The following TRPM3 variants were observed in gnomAD, a reference collection of about 807,000 sequenced individuals.
TRPM3 encodes the protein long transient receptor potential channel 3.
A neutral mutation model predicts 181.2 loss-of-function variants in TRPM3; 77 were observed. The observed-to-expected ratio is 0.42, with a 90% CI of 0.35 to 0.51. TRPM3 has a LOEUF of 0.51. Among genes scored for constraint, TRPM3 ranks in the 20% least tolerant of loss-of-function variants. The pLI is 0.01. For missense variants in TRPM3, 1,759 were observed against 2,196.7 expected (o/e 0.80, Z 3.98); for synonymous variants, 745 against 796.4 (o/e 0.94, Z 1.09).
chr9:70,931,358 G>A (rs924660900), intron 1 of TRPM3, among the ~76,000 whole-genome samples: 16 of 152,078 alleles, frequency 1.1e-4, no homozygotes, highest in Non-Finnish European at 2.4e-4. Context: ...ATAATTTTGA[G>A]AGCAGTGTAT....
intron 9 of TRPM3, among the ~76,000 whole-genome samples, chr9:70,670,365 A>C (rs2062681547): frequency 6.6e-6 from 1 of 152,242 alleles, no homozygotes; most frequent in African/African-American, 2.4e-5. Flanking sequence ...TACAAATAAA[A>C]GGAATTAAGG....
intron 1 of TRPM3, among the ~76,000 whole-genome samples, chr9:71,023,164 A>G (rs1172825600): frequency 6.6e-6 from 1 of 152,234 alleles, no homozygotes; most frequent in Non-Finnish European, 1.5e-5. Context: ...AAACAATTCA[A>G]TTAGAAAATC....
chr9:71,370,663 G>T (rs1160828093), intron 1 of TRPM3, among the ~76,000 whole-genome samples: 1 of 152,188 alleles, frequency 6.6e-6, no homozygotes, highest in Non-Finnish European at 1.5e-5. Context: ...AAATTACAAG[G>T]TGAAAGAGCA....
intron 8 of TRPM3, among the ~76,000 whole-genome samples, chr9:70,691,378 CTT>C (rs2068497922): frequency 4.8e-5 from 3 of 62,244 alleles, no homozygotes; most frequent in African/African-American, 2.2e-4. Flanking sequence ...TTACAATGGA[CTT>C]GTCAGTTTAT....
At chr9:71,302,428 A>T (rs2086865215) in intron 1 of TRPM3, among the ~76,000 whole-genome samples, 1 of 152,170 alleles carries the variant, frequency 6.6e-6, no homozygotes. Context: ...CAAAACAAAT[A>T]CGCAAGATCT....
intron 1 of TRPM3, among the ~76,000 whole-genome samples, chr9:71,394,928 C>T (rs1368215258): frequency 1.3e-5 from 2 of 152,180 alleles, no homozygotes; most frequent in Non-Finnish European, 2.9e-5. Context: ...CCAGACATGG[C>T]TCCCAACCAA....
At chr9:70,592,587 G>A (rs73649179) in intron 21 of TRPM3, among the ~76,000 whole-genome samples, 3,420 of 152,012 alleles carry the variant, frequency 0.022, 142 homozygotes, top group African/African-American at 0.076. Context: ...GGTTTCTATC[G>A]CTTGCATCAA....
intron 1 of TRPM3, among the ~76,000 whole-genome samples, chr9:71,255,373 T>C (rs2132041249): frequency 6.6e-6 from 1 of 152,288 alleles, no homozygotes; most frequent in Non-Finnish European, 1.5e-5. Flanking sequence ...TGGAAAAAAC[T>C]TTTACAAGAT....
At chr9:71,072,810 G>A (rs2062949514) in intron 1 of TRPM3, among the ~76,000 whole-genome samples, 1 of 152,202 alleles carries the variant, frequency 6.6e-6, no homozygotes, top group South Asian at 2.1e-4. Context: ...AAGGAATGCT[G>A]AGGGCAGTCA....
At chr9:70,809,974 T>C in intron 6 of TRPM3, 1 of 534,722 alleles carries the variant, frequency 1.9e-6, no homozygotes. Context: ...TCAAAAAAGA[T>C]GCCAGTGATG....
intron 1 of TRPM3, among the ~76,000 whole-genome samples, chr9:71,377,730 C>G (rs964879618): frequency 6.6e-6 from 1 of 151,884 alleles, no homozygotes; most frequent in Non-Finnish European, 1.5e-5. Context: ...ACCAATGTTA[C>G]TAACATCCAT....
At chr9:71,103,450 T>C (rs1463180550) in intron 1 of TRPM3, among the ~76,000 whole-genome samples, 1 of 152,114 alleles carries the variant, frequency 6.6e-6, no homozygotes, top group African/African-American at 2.4e-5. Flanking sequence ...GTCTGAGATT[T>C]TAGAAGTCAA....
At chr9:71,405,486 T>C in intron 1 of TRPM3, among the ~76,000 whole-genome samples, 1 of 152,210 alleles carries the variant, frequency 6.6e-6, no homozygotes, top group Middle Eastern at 3.2e-3. Flanking sequence ...AATCTTAACC[T>C]GAAATTTGAT....
intron 1 of TRPM3, among the ~76,000 whole-genome samples, chr9:71,445,442 C>G (rs2309926): frequency 0.98 from 149,425 of 152,322 alleles, 73,350 homozygotes; most frequent in East Asian, 1. Context: ...GCCTTTTTAG[C>G]GGTGCTATAC....
chr9:71,272,053 A>G (rs2132133147), intron 1 of TRPM3, among the ~76,000 whole-genome samples: 1 of 152,342 alleles, frequency 6.6e-6, no homozygotes, highest in South Asian at 2.1e-4. Flanking sequence ...TTAATTCACA[A>G]GTAGCAAAGT....
Position 70,903,806 on chromosome 9 carries a change from C to T in TRPM3, c.178-39295G>A, listed in dbSNP as rs752020792. On this transcript the variant is annotated intron_variant, in intron 1 of 25. Coordinates refer to ENST00000677713, the MANE Select transcript of TRPM3 (RefSeq NM_001366145.2). ...GGGTTCCTCATATATAAGAGATGTACAATGAATGAGTTTATGTAAATGTTC... is the reference window on the plus strand; with the variant it reads ...GGGTTCCTCATATATAAGAGATGTATAATGAATGAGTTTATGTAAATGTTC... 2.6e-5 allele frequency among the ~76,000 whole-genome samples: 4 copies of T among 152,006 alleles called. No homozygotes were observed. The South Asian group carries it at 8.3e-4, about 31-fold the overall frequency.
At chr9:70,614,356 C>G (rs1029874414) in intron 18 of TRPM3, among the ~76,000 whole-genome samples, 1 of 151,402 alleles carries the variant, frequency 6.6e-6, no homozygotes, top group African/African-American at 2.4e-5. Flanking sequence ...GTGGTGTGCA[C>G]CTGCATTCCC....
At chr9:71,357,170 G>C (rs2091933608) in intron 1 of TRPM3, among the ~76,000 whole-genome samples, 1 of 152,098 alleles carries the variant, frequency 6.6e-6, no homozygotes, top group Non-Finnish European at 1.5e-5. Context: ...TGAACATACT[G>C]CTTCAAAGTT....
At chr9:71,192,690 T>C (rs1370125274) in intron 1 of TRPM3, among the ~76,000 whole-genome samples, 2 of 151,952 alleles carry the variant, frequency 1.3e-5, no homozygotes. Flanking sequence ...AAATATTTTC[T>C]CCCATTCTCT....
Sources: gnomAD v4.1 joint callset for allele counts (sites outside exome capture counted in the v4.1 genomes callset) on GRCh38, gnomAD v4.1.1 for gene constraint, MANE v1.5 for transcripts, NCBI Gene and HGNC (gene_info 2026-07-23, HGNC 2026-07-21) for gene names.